Variants in NASP observed in about 807,000 individuals in gnomAD.
NASP encodes NASP histone chaperone.
A neutral mutation model predicts 89.5 loss-of-function variants in NASP; 24 were observed. The ratio of observed to expected loss-of-function variants is 0.27; its 90% CI spans 0.19 to 0.38. The LOEUF (loss-of-function observed/expected upper bound fraction) is 0.38. NASP is among the 10% of genes least tolerant of loss of function. The probability of loss-of-function intolerance (pLI) is 1.00; values close to 1 mark genes in which losing one functional copy is unlikely to be tolerated. For synonymous variants in NASP, 306 were observed against 324.7 expected, an observed-to-expected ratio of 0.94 and a Z score of 0.62; for missense variants, 848 against 921.4, an observed-to-expected ratio of 0.92 and a Z score of 1.03.
At chr1:45,589,606 A>G (rs1643468168) in intron 1 of NASP, among the ~76,000 whole-genome samples, 1 of 152,198 alleles carries the variant, frequency 6.6e-6, no homozygotes, top group Admixed American at 6.5e-5. Flanking sequence ...ATTTTAAAAA[A>G]TAACTGGATC....
At position 45,587,661 on chromosome 1, in the gene NASP, C is replaced by CATATATATATATAT. The variant is rs1553169239; in HGVS notation, c.59+3470_59+3483dup. Among the ~76,000 whole-genome samples, 17 of 6,388 alleles carry CATATATATATATAT rather than the reference C, an allele frequency of 2.7e-3. 1 individual carries two copies. Among genetic ancestry groups the CATATATATATATAT allele is most frequent in the South Asian group, 0.015 (2 of 130 alleles). 4.2% of individuals were successfully genotyped at this position (6,388 alleles called of 152,430 possible). A position where few individuals can be genotyped will look rare whatever the true frequency, so the allele number is the denominator to read the frequency against. On this transcript the variant is annotated intron_variant, in intron 1 of 14. Coordinates refer to ENST00000350030, the MANE Select transcript of NASP (RefSeq NM_002482.4). ...CTATGAGGTTTGTCTTGAGTTTTTTCATATATATATATATATATATATATA... is the reference window on the plus strand; with the variant it reads ...CTATGAGGTTTGTCTTGAGTTTTTTCATATATATATATATATATATATATATATATATATATATA...
intron 1 of NASP, among the ~76,000 whole-genome samples, chr1:45,586,884 TGAG>T (rs1293271469): frequency 1.3e-5 from 2 of 151,168 alleles, no homozygotes; most frequent in African/African-American, 2.4e-5. Context: ...ATTTAGGAGA[TGAG>T]GATCTTACTA....
intron 2 of NASP, among the ~76,000 whole-genome samples, chr1:45,595,832 T>C (rs944659198): frequency 3.9e-4 from 59 of 152,302 alleles, no homozygotes; most frequent in African/African-American, 1.3e-3. Context: ...CCTGGCAAAA[T>C]AGGAATTATG....
In NASP at chr1:45,606,471, T is replaced by C; in HGVS notation, c.300-11T>C. ...CCATCAAACCTTTGGTGCTTTCTTT[T>C]GTTCTCCTAGAATGGAGAATGGTGT... On this transcript the variant is annotated splice_polypyrimidine_tract_variant and intron_variant, in intron 4 of 14. Transcript: ENST00000350030. 1 of 1,595,350 alleles carries C rather than the reference T, an allele frequency of 6.3e-7. No homozygotes were observed. Among genetic ancestry groups the C allele is most frequent in the Non-Finnish European group, 8.6e-7 (1 of 1,163,306 alleles).
chr1:45,605,948 G>A (rs1451803720), intron 4 of NASP, among the ~76,000 whole-genome samples: 1 of 150,284 alleles, frequency 6.7e-6, no homozygotes, highest in Non-Finnish European at 1.5e-5. Flanking sequence ...AGCTAATTTT[G>A]TATTTTTAGT....
Position 45,599,953 on chromosome 1 carries a change from ATTTT to A in NASP, c.108-2283_108-2280del, listed in dbSNP as rs11302173. ...CTGTCCTAGAGTGCTTTTCCTCTGT[ATTTT>A]TTTTTTTTTTTTTTTTTTGGCTTGC... On this transcript the variant is annotated intron_variant, in intron 2 of 14. Transcript: ENST00000350030. 3.9e-3 allele frequency among the ~76,000 whole-genome samples: 312 copies of A among 79,090 alleles called. 1 individual carries two copies. Among genetic ancestry groups the A allele is most frequent in the East Asian group, 0.026 (76 of 2,972 alleles). 51.9% of individuals were successfully genotyped at this position (79,090 alleles called of 152,430 possible).
rs1320359822 is a variant in NASP, at chr1:45,584,202, A to C, written c.56A>C (p.Asp19Ala). 1 of 1,588,202 alleles carries C rather than the reference A, an allele frequency of 6.3e-7. No homozygotes were observed. Among genetic ancestry groups the C allele is most frequent in the Non-Finnish European group, 8.6e-7 (1 of 1,167,152 alleles). Residue 19 changes from aspartate (D) to alanine (A), a missense_variant, in exon 1 of 15, where the codon GAC becomes GCC. Physicochemically the swap from Asp to Ala is moderately radical, Grantham distance 126 (BLOSUM62 -2). Around this residue, in one of 5 missense-constraint regions of NASP, gnomAD observed 89 missense variants for 79.2 expected, o/e 1.12. Coordinates refer to ENST00000350030, the MANE Select transcript of NASP (RefSeq NM_002482.4). Reference sequence around the variant, plus strand: ...GTCGCCGCGGAGCTGGTTTCTGCCGACAAGTAAGCGGGACTGTGGAAAGCT... The same window carrying C: ...GTCGCCGCGGAGCTGGTTTCTGCCGCCAAGTAAGCGGGACTGTGGAAAGCT... ...AAVAAELVSA[D>A]KIEDVPAPST...
rs1644079231 is a variant in NASP, at chr1:45,615,019, A to G, written c.1673A>G (p.Tyr558Cys). Reference sequence around the variant, plus strand: ...TTCTTTTTCTCTTTGTTAGAAAACTATGTGCAAGCTGTGGAGGAGTTCCAG... The same window carrying G: ...TTCTTTTTCTCTTTGTTAGAAAACTGTGTGCAAGCTGTGGAGGAGTTCCAG... ...LGEVSVESEN[Y>C]VQAVEEFQSC... The change falls in exon 10 of 15, where the codon TAT becomes TGT. Residue 558 changes from tyrosine to cysteine, a missense_variant. Transcript: ENST00000350030. 6.2e-7 allele frequency: 1 copy of G among 1,608,100 alleles called. No individual in the cohort carries two copies. The highest frequency in any genetic ancestry group is 8.5e-7 in the Non-Finnish European group (1 of 1,178,170).
At chr1:45,614,245 G>C in intron 8 of NASP, 48 bp from the exon 9 acceptor site, 2 of 1,592,884 alleles carry the variant, frequency 1.3e-6, no homozygotes, top group Non-Finnish European at 1.7e-6. Flanking sequence ...AACCAGTTAG[G>C]GTTAGACAGG....
Position 45,608,542 on chromosome 1 carries a change from A to G in NASP, c.1426+205A>G, listed in dbSNP as rs556492057. 5.6e-5 allele frequency: 34 copies of G among 602,926 alleles called. No homozygotes were observed. The South Asian group carries it at 7.0e-4, about 12-fold the overall frequency. 37.3% of individuals were successfully genotyped at this position (602,926 alleles called of 1,614,324 possible). ...GCAGCAAGTCTTCTTTAGCTGGCTT[A>G]TAAACTAACACTTTTACTAACTGCA... On this transcript the variant is annotated intron_variant, in intron 6 of 14. Coordinates refer to ENST00000350030, the MANE Select transcript of NASP (RefSeq NM_002482.4).
At chr1:45,603,567 G>A (rs1039680342) in intron 3 of NASP, among the ~76,000 whole-genome samples, 3 of 150,454 alleles carry the variant, frequency 2.0e-5, no homozygotes, top group African/African-American at 4.9e-5. Context: ...ATGAATTGGG[G>A]CTCTGAGAGA....
At position 45,602,243 on chromosome 1, in the gene NASP, T is replaced by A; in HGVS notation, c.108-12T>A. 2 of 1,587,082 alleles carry A rather than the reference T, an allele frequency of 1.3e-6. No homozygotes were observed. Among genetic ancestry groups the A allele is most frequent in the Non-Finnish European group, 1.7e-6 (2 of 1,165,730 alleles). ...ACAGTACTTGACACTAGAAAAAATCTTTTTTTTGCAGTCTGGATGTGGATA... is the reference window on the plus strand; with the variant it reads ...ACAGTACTTGACACTAGAAAAAATCATTTTTTTGCAGTCTGGATGTGGATA... On this transcript the variant is annotated splice_polypyrimidine_tract_variant and intron_variant, in intron 2 of 14. Transcript: ENST00000350030.
intron 2 of NASP, among the ~76,000 whole-genome samples, chr1:45,595,129 TTGTGTG>T (rs57391869): frequency 0.12 from 12,916 of 111,646 alleles, 796 homozygotes; most frequent in Middle Eastern, 0.15. Flanking sequence ...AGACTAAGTT[TTGTGTG>T]TGTGTGTGTG....
In NASP at chr1:45,616,773, C is replaced by A; in HGVS notation, c.2157+70C>A. The A allele has an allele frequency of 2.1e-6, 3 of 1,400,164 alleles. 1 individual carries two copies. The South Asian group carries it at 3.5e-5, about 16-fold the overall frequency. 86.7% of individuals were successfully genotyped at this position (1,400,164 alleles called of 1,614,324 possible). ...CCATTTTTAATCCCTTTCCTATAAA[C>A]CCCTCCCTATAGTTGGTGCATATAA... On this transcript the variant is annotated intron_variant, in intron 13 of 14. Coordinates refer to ENST00000350030, the MANE Select transcript of NASP (RefSeq NM_002482.4).
rs376026188 is a variant in NASP at position 45,617,369 on chromosome 1, G to C, written c.2158-94G>C. 59 of 1,429,430 alleles carry C rather than the reference G, an allele frequency of 4.1e-5. 1 individual carries two copies. The Middle Eastern group carries it at 7.7e-4, about 19-fold the overall frequency. The allele number at this position is 1,429,430 out of a possible 1,614,324, so 88.5% of individuals were successfully genotyped here. On this transcript the variant is annotated intron_variant, in intron 13 of 14. Coordinates refer to ENST00000350030, the MANE Select transcript of NASP (RefSeq NM_002482.4). ...TAGAGCTGTGAATCCTGATGTTCAG[G>C]ATCTTTGCACCACAAGGGTTAAGGA... is the stretch of plus-strand genomic sequence containing the variant.
intron 2 of NASP, among the ~76,000 whole-genome samples, chr1:45,595,816 AG>A (rs746466920): frequency 6.6e-5 from 10 of 152,226 alleles, no homozygotes; most frequent in Non-Finnish European, 1.2e-4. Context: ...CATGGTTTTA[AG>A]GTAACCTGGC....
At chr1:45,614,897 A>G (rs1644076752) in intron 9 of NASP, 116 bp from the exon 10 acceptor site, 2 of 926,554 alleles carry the variant, frequency 2.2e-6, no homozygotes, top group Non-Finnish European at 1.6e-6. Context: ...GGAAATAACT[A>G]TAAACAAAAA....
At chr1:45,594,746 T>C (rs1392475301) in intron 2 of NASP, 2 of 455,440 alleles carry the variant, frequency 4.4e-6, no homozygotes, top group Admixed American at 4.7e-5. Flanking sequence ...TCTTCTCACC[T>C]CAGCCACCTG....
intron 2 of NASP, among the ~76,000 whole-genome samples, chr1:45,599,459 G>A (rs987104466): frequency 1.3e-5 from 2 of 150,718 alleles, no homozygotes; most frequent in Non-Finnish European, 2.9e-5. Flanking sequence ...ATGGAGTCTC[G>A]CCCTGTCACC....
Sources: allele counts gnomAD v4.1 joint callset (sites outside exome capture counted in the v4.1 genomes callset), GRCh38; gene constraint gnomAD v4.1.1; regional missense constraint gnomAD v4.1.1; transcripts MANE v1.5; gene names NCBI Gene and HGNC (gene_info 2026-07-23, HGNC 2026-07-21).